The following ATP8B4 variants were observed in gnomAD, a reference collection of about 807,000 sequenced individuals.
ATP8B4 encodes the protein probable phospholipid-transporting ATPase IM.
Under a neutral mutation model 145.6 loss-of-function variants are expected in ATP8B4, and 133 were observed. The ratio of observed to expected loss-of-function variants is 0.91; its 90% CI spans 0.79 to 1.05. The LOEUF is 1.05. ATP8B4 is among the 50% of genes least tolerant of loss of function. ATP8B4 has a pLI of 0.00. For missense variants in ATP8B4, 1,458 were observed against 1,425.2 expected, an observed-to-expected ratio of 1.02 and a Z score of -0.37; for synonymous variants, 507 against 492.9, an observed-to-expected ratio of 1.03 and a Z score of -0.38.
At chr15:49,991,614 C>G (rs545878146) in intron 9 of ATP8B4, among the ~76,000 whole-genome samples, 4 of 152,020 alleles carry the variant, frequency 2.6e-5, no homozygotes, top group Non-Finnish European at 4.4e-5. Flanking sequence ...TCTTTTCTTA[C>G]AAAATTCAAG....
intron 1 of ATP8B4, among the ~76,000 whole-genome samples, chr15:50,149,255 TCATGTCATAAG>T (rs1009606646): frequency 5.3e-5 from 8 of 152,136 alleles, no homozygotes; most frequent in African/African-American, 1.9e-4. Context: ...ATTATCTGAG[TCATGTCATAAG>T]CATAAAACAC....
intron 2 of ATP8B4, among the ~76,000 whole-genome samples, chr15:50,094,803 C>T (rs978926958): frequency 5.9e-5 from 9 of 151,356 alleles, no homozygotes; most frequent in African/African-American, 2.2e-4. Flanking sequence ...TTAATAAATA[C>T]AGAAACATAA....
chr15:50,010,748 G>A, intron 7 of ATP8B4, 97 bp downstream of exon 7: 1 of 697,876 alleles, frequency 1.4e-6, no homozygotes, highest in Non-Finnish European at 2.2e-6. Context: ...AATTATTCTG[G>A]ATTAGTAAGG....
intron 7 of ATP8B4, among the ~76,000 whole-genome samples, chr15:50,008,563 T>C (rs1479526239): frequency 2.6e-5 from 4 of 152,238 alleles, no homozygotes; most frequent in Non-Finnish European, 5.9e-5. Context: ...TTTCACTTCA[T>C]TGAAGCTTTT....
At chr15:50,171,299 G>C (rs114720446) in intron 1 of ATP8B4, among the ~76,000 whole-genome samples, 2,013 of 152,214 alleles carry the variant, frequency 0.013, 46 homozygotes, top group African/African-American at 0.046. Flanking sequence ...TAGACCATGT[G>C]ATATGCCATA....
intron 6 of ATP8B4, among the ~76,000 whole-genome samples, chr15:50,032,861 G>C (rs1371732335): frequency 6.6e-6 from 1 of 152,160 alleles, no homozygotes; most frequent in Non-Finnish European, 1.5e-5. Context: ...ACTTTGGATA[G>C]TGGAAGAATG....
chr15:50,173,447 A>G (rs1307501683), intron 1 of ATP8B4, among the ~76,000 whole-genome samples: 1 of 152,068 alleles, frequency 6.6e-6, no homozygotes, highest in Non-Finnish European at 1.5e-5. Context: ...GGTTAAATGG[A>G]TTAAGGGCGG....
chr15:50,175,522 C>T (rs188909801), intron 1 of ATP8B4, among the ~76,000 whole-genome samples: 2 of 152,216 alleles, frequency 1.3e-5, no homozygotes, highest in East Asian at 3.9e-4. Flanking sequence ...ACAATCCTAT[C>T]GACAAGGGGG....
chr15:49,966,957 C>T (rs2044606636), intron 13 of ATP8B4, among the ~76,000 whole-genome samples: 1 of 152,146 alleles, frequency 6.6e-6, no homozygotes, highest in Non-Finnish European at 1.5e-5. Context: ...GCAGCCTCCG[C>T]TGGTGATACT....
In ATP8B4 at chr15:50,045,999, G is replaced by C. The variant is rs80232888; in HGVS notation, c.202-1307C>G. Reference sequence around the variant, plus strand: ...ATTCATTGTTTGTTTTTGTTTTCCTGATCAGCACCCAGTTCTTCTCAAATA... The same window carrying C: ...ATTCATTGTTTGTTTTTGTTTTCCTCATCAGCACCCAGTTCTTCTCAAATA... On this transcript the variant is annotated intron_variant, in intron 4 of 27. Transcript: ENST00000284509. 1.3e-3 allele frequency among the ~76,000 whole-genome samples: 197 copies of C among 152,264 alleles called. No individual in the cohort carries two copies. In the East Asian group the frequency reaches 0.035, roughly 27 times the overall value.
At chr15:49,999,104 A>G (rs1490272119) in intron 8 of ATP8B4, among the ~76,000 whole-genome samples, 2 of 152,208 alleles carry the variant, frequency 1.3e-5, no homozygotes, top group South Asian at 2.1e-4. Flanking sequence ...TTGTGGCACT[A>G]TTCACAATAG....
intron 13 of ATP8B4, among the ~76,000 whole-genome samples, chr15:49,970,408 A>C (rs2044996614): frequency 6.6e-6 from 1 of 152,228 alleles, no homozygotes; most frequent in Non-Finnish European, 1.5e-5. Flanking sequence ...TAAGCTGATA[A>C]GCAACTTCAG....
At chr15:50,041,834 G>C (rs1209158312) in intron 5 of ATP8B4, among the ~76,000 whole-genome samples, 1 of 152,188 alleles carries the variant, frequency 6.6e-6, no homozygotes. Context: ...CAGCTACTCA[G>C]GAGGCTGAGG....
Position 50,080,973 on chromosome 15 carries a change from C to T in ATP8B4, c.29-6788G>A, listed in dbSNP as rs528926854. ...CGAAAAATACAAAAAATTAGCCAGG[C>T]GTGGTGGCGGGCACCTCTAGTCCCA... On this transcript the variant is annotated intron_variant, in intron 2 of 27. Transcript: ENST00000284509. 2.2e-4 allele frequency among the ~76,000 whole-genome samples: 33 copies of T among 152,180 alleles called. No homozygotes were observed. In the South Asian group the frequency reaches 2.5e-3, roughly 11 times the overall value.
intron 14 of ATP8B4, among the ~76,000 whole-genome samples, chr15:49,956,647 T>A (rs893159531): frequency 5.3e-5 from 8 of 152,160 alleles, no homozygotes; most frequent in Non-Finnish European, 1.0e-4. Context: ...ACTCAAGTGA[T>A]CCTCCTATCT....
At chr15:49,929,529 T>C (rs1372044045) in intron 16 of ATP8B4, among the ~76,000 whole-genome samples, 1 of 152,074 alleles carries the variant, frequency 6.6e-6, no homozygotes, top group African/African-American at 2.4e-5. Flanking sequence ...GTTTGGACTC[T>C]AGAAAGAGAT....
intron 2 of ATP8B4, among the ~76,000 whole-genome samples, chr15:50,077,185 G>A (rs2054234816): frequency 6.6e-6 from 1 of 152,232 alleles, no homozygotes; most frequent in Non-Finnish European, 1.5e-5. Flanking sequence ...CCAAAAAGGA[G>A]TAAGGCAATA....
chr15:49,953,270 T>C (rs1163797027), intron 14 of ATP8B4, among the ~76,000 whole-genome samples: 4 of 152,110 alleles, frequency 2.6e-5, no homozygotes, highest in Non-Finnish European at 1.5e-5. Context: ...TGGAAACCCA[T>C]TTAATCTGGG....
chr15:49,986,947 GA>G (rs2046659662), intron 10 of ATP8B4, among the ~76,000 whole-genome samples: 1 of 126,168 alleles, frequency 7.9e-6, no homozygotes, highest in Non-Finnish European at 1.6e-5. Flanking sequence ...AGTATAAACA[GA>G]AATGATTACA....
Sources: allele counts gnomAD v4.1 joint callset (sites outside exome capture counted in the v4.1 genomes callset), GRCh38; gene constraint gnomAD v4.1.1; transcripts MANE v1.5; gene names NCBI Gene and HGNC (gene_info 2026-07-23, HGNC 2026-07-21).